RNF4: variants seen among roughly 807,000 people sequenced by gnomAD.
The protein encoded by RNF4 is E3 ubiquitin-protein ligase RNF4.
RNF4 carries 7 observed loss-of-function variants against 24.3 expected under a neutral mutation model. That is an observed-to-expected ratio of 0.29 (90% confidence interval 0.16 to 0.54). The LOEUF (loss-of-function observed/expected upper bound fraction) is 0.54, where lower values mean the gene tolerates loss of function less well. RNF4 is among the 20% of genes least tolerant of loss of function. RNF4 has a pLI of 0.95. For synonymous variants in RNF4, 83 were observed against 84.3 expected (o/e 0.98, Z 0.09); for missense variants, 209 against 248.5 (o/e 0.84, Z 1.07).
In RNF4 at chr4:2,513,877, T is replaced by C; in HGVS notation, c.*58T>C. On this transcript the variant is annotated 3_prime_UTR_variant, in exon 8 of 8. Transcript: ENST00000314289. ...ACAGACAGACAGCCAGGTTCTCCAGTGGTATCTGCCTCCATTTTCCTGAGA... is the reference window on the plus strand; with the variant it reads ...ACAGACAGACAGCCAGGTTCTCCAGCGGTATCTGCCTCCATTTTCCTGAGA... 1.9e-6 allele frequency: 3 copies of C among 1,604,190 alleles called. No homozygotes were observed. Among genetic ancestry groups the C allele is most frequent in the East Asian group, 2.2e-5 (1 of 44,782 alleles).
intron 3 of RNF4, 150 bp downstream of exon 3, chr4:2,497,271 C>G: frequency 1.8e-6 from 1 of 555,396 alleles, no homozygotes; most frequent in African/African-American, 1.9e-5. Flanking sequence ...TTCACAGATT[C>G]TGAAATAGCT....
intron 3 of RNF4, among the ~76,000 whole-genome samples, chr4:2,497,575 G>C (rs1164436728): frequency 6.6e-6 from 1 of 152,150 alleles, no homozygotes; most frequent in Non-Finnish European, 1.5e-5. Flanking sequence ...GCTGGCCTAA[G>C]TCCCTTTGCT....
At chr4:2,470,656 T>C (rs1235102196) in intron 1 of RNF4, among the ~76,000 whole-genome samples, 2 of 152,240 alleles carry the variant, frequency 1.3e-5, no homozygotes, top group East Asian at 3.8e-4. Context: ...GTACATAAAA[T>C]GAGTAAGATT....
intron 1 of RNF4, among the ~76,000 whole-genome samples, chr4:2,483,047 A>G (rs1268044529): frequency 1.3e-5 from 2 of 152,226 alleles, no homozygotes; most frequent in African/African-American, 4.8e-5. Flanking sequence ...TCATACCTGT[A>G]AGAAGGGACA....
intron 1 of RNF4, among the ~76,000 whole-genome samples, chr4:2,471,816 G>T (rs1734917457): frequency 6.6e-6 from 1 of 152,220 alleles, no homozygotes; most frequent in African/African-American, 2.4e-5. Context: ...TCTGTGAAGA[G>T]TGAGGAAGCT....
At chr4:2,506,637 G>T (rs142860373) in intron 4 of RNF4, among the ~76,000 whole-genome samples, 1 of 150,526 alleles carries the variant, frequency 6.6e-6, no homozygotes, top group Admixed American at 6.7e-5. Flanking sequence ...GTGCCATCAC[G>T]GCTCACTGCA....
chr4:2,474,343 A>G (rs1385893904), intron 1 of RNF4, among the ~76,000 whole-genome samples: 2 of 149,414 alleles, frequency 1.3e-5, no homozygotes, highest in African/African-American at 5.0e-5. Flanking sequence ...ACGCCATTGC[A>G]CTCCATCCAG....
At chr4:2,500,149 T>G (rs1578517903) in intron 3 of RNF4, among the ~76,000 whole-genome samples, 1 of 132,842 alleles carries the variant, frequency 7.5e-6, no homozygotes, top group East Asian at 2.3e-4. Context: ...AGAGCGAGAC[T>G]CTGTCTCAAA....
chr4:2,489,839 C>T (rs1453891170), intron 1 of RNF4: 1 of 152,328 alleles, frequency 6.6e-6, no homozygotes, highest in African/African-American at 2.4e-5. Context: ...AGTCCACAGC[C>T]TCCCGATTCA....
At chr4:2,480,005 C>T (rs1414320773) in intron 1 of RNF4, 1 of 152,170 alleles carries the variant, frequency 6.6e-6, no homozygotes. Context: ...TCATAACTCA[C>T]TCTAGCCTCA....
At chr4:2,486,459 C>T (rs564594062) in intron 1 of RNF4, among the ~76,000 whole-genome samples, 9 of 152,240 alleles carry the variant, frequency 5.9e-5, no homozygotes, top group African/African-American at 2.2e-4. Context: ...GTGGCTTATC[C>T]CCAAGACCAG....
chr4:2,499,667 G>A (rs184445194), intron 3 of RNF4, among the ~76,000 whole-genome samples: 76 of 152,216 alleles, frequency 5.0e-4, no homozygotes, highest in African/African-American at 1.6e-3. Context: ...GAAGTTGTAC[G>A]TTAACTGTTT....
At chr4:2,473,113 G>T (rs1734957610) in intron 1 of RNF4, among the ~76,000 whole-genome samples, 1 of 152,062 alleles carries the variant, frequency 6.6e-6, no homozygotes, top group African/African-American at 2.4e-5. Context: ...AGTTCACGGT[G>T]GCTCACGCCT....
In RNF4 at chr4:2,515,061, G is replaced by A. The variant is rs1736378142; in HGVS notation, c.*1242G>A. On this transcript the variant is annotated 3_prime_UTR_variant, in exon 8 of 8. Coordinates refer to ENST00000314289, the MANE Select transcript of RNF4 (RefSeq NM_002938.5). ...TGCCCCTGACAGCACAGGGCCTGGG[G>A]GGTGGCTAACGAGAGAGGCCTTACA... The A allele has an allele frequency of 6.6e-6, 1 of 152,552 alleles. No homozygotes were observed. The allele number at this position is 152,552 out of a possible 1,614,324, so 9.4% of individuals were successfully genotyped here.
At chr4:2,488,575 C>CTG (rs1735485041) in intron 1 of RNF4, among the ~76,000 whole-genome samples, 1 of 152,198 alleles carries the variant, frequency 6.6e-6, no homozygotes, top group Non-Finnish European at 1.5e-5. Context: ...GACTGCCAAC[C>CTG]TGGTGCTGTG....
rs5855735 is a variant in RNF4, at chr4:2,500,156, CAAAAAAAAAAAA to C, written c.125-493_125-482del. 7.9e-4 allele frequency among the ~76,000 whole-genome samples: 61 copies of C among 77,212 alleles called. 1 individual carries two copies. Among genetic ancestry groups the C allele is most frequent in the Non-Finnish European group, 1.4e-3 (51 of 36,858 alleles). 50.7% of individuals were successfully genotyped at this position (77,212 alleles called of 152,430 possible). On this transcript the variant is annotated intron_variant, in intron 3 of 7. Transcript: ENST00000314289. Reference sequence around the variant, plus strand: ...TTGGCGACAGAGCGAGACTCTGTCTCAAAAAAAAAAAAAAAAAAAAAGAATTTGCCCTAGATT... The same window carrying C: ...TTGGCGACAGAGCGAGACTCTGTCTCAAAAAAAAAGAATTTGCCCTAGATT...
intron 1 of RNF4, among the ~76,000 whole-genome samples, chr4:2,473,151 G>A (rs1466804343): frequency 1.3e-5 from 2 of 152,104 alleles, no homozygotes; most frequent in South Asian, 2.1e-4. Flanking sequence ...GGAGGCTGGG[G>A]CAGGCAGATC....
At position 2,489,241 on chromosome 4, in the gene RNF4, A is replaced by G. The variant is rs1735506385; in HGVS notation, c.-157-1096A>G. 2.0e-5 allele frequency among the ~76,000 whole-genome samples: 3 copies of G among 152,158 alleles called. No homozygotes were observed. The South Asian group carries it at 6.2e-4, about 32-fold the overall frequency. Reference sequence around the variant, plus strand: ...GAGCCAGGGAAAGTTGCTGCGGCAAATGTTTCGGAAAGATGGCCTGGCAGT... The same window carrying G: ...GAGCCAGGGAAAGTTGCTGCGGCAAGTGTTTCGGAAAGATGGCCTGGCAGT... On this transcript the variant is annotated intron_variant, in intron 1 of 7. Transcript: ENST00000314289.
At position 2,490,334 on chromosome 4, in the gene RNF4, C is replaced by T; in HGVS notation, c.-157-3C>T. ...TTATCAAATTAATATCTTTGTTTTT[C>T]AGGACTTGAAAATACTGGAAATCTG... On this transcript the variant is annotated splice_region_variant and splice_polypyrimidine_tract_variant and intron_variant, in intron 1 of 7. Coordinates refer to ENST00000314289, the MANE Select transcript of RNF4 (RefSeq NM_002938.5). 1.6e-6 allele frequency: 1 copy of T among 634,692 alleles called. No homozygotes were observed. The highest frequency in any genetic ancestry group is 2.7e-6 in the Non-Finnish European group (1 of 367,196). The allele number at this position is 634,692 out of a possible 1,614,324, so 39.3% of individuals were successfully genotyped here.
Sources: gnomAD v4.1 joint callset for allele counts (sites outside exome capture counted in the v4.1 genomes callset) on GRCh38, gnomAD v4.1.1 for gene constraint, MANE v1.5 for transcripts, NCBI Gene and HGNC (gene_info 2026-07-23, HGNC 2026-07-21) for gene names.